The following MTOR variants were observed in gnomAD, a reference collection of about 807,000 sequenced individuals.
The protein encoded by MTOR is serine/threonine-protein kinase mTOR.
A neutral mutation model predicts 319.8 loss-of-function variants in MTOR; 70 were observed. The observed-to-expected ratio is 0.22, with a 90% CI of 0.18 to 0.27. The LOEUF (loss-of-function observed/expected upper bound fraction) is 0.27, where lower values mean the gene tolerates loss of function less well. Ranked by LOEUF, MTOR falls within the 10% of genes least tolerant of loss-of-function variation. The pLI, the probability that MTOR is intolerant of heterozygous loss-of-function variation, is 1.00. For missense variants in MTOR, 1,890 were observed against 3,274.4 expected, an observed-to-expected ratio of 0.58 and a Z score of 10.32; for synonymous variants, 1,183 against 1,211.4, an observed-to-expected ratio of 0.98 and a Z score of 0.49.
At chr1:11,150,092 A>G (rs2100536474) in intron 31 of MTOR, 34 bp downstream of exon 31, 2 of 1,580,882 alleles carry the variant, frequency 1.3e-6, no homozygotes, top group African/African-American at 1.3e-5. Flanking sequence ...CACTCACCCC[A>G]TCCTTCACAG....
intron 4 of MTOR, 79 bp from the exon 5 acceptor site, chr1:11,256,271 A>C (rs1210049278): frequency 6.5e-7 from 1 of 1,527,852 alleles, no homozygotes; most frequent in Non-Finnish European, 8.8e-7. Context: ...TTGTCATCTT[A>C]GAGCCATACA....
intron 47 of MTOR, among the ~76,000 whole-genome samples, chr1:11,123,778 T>C (rs1026283697): frequency 1.3e-5 from 2 of 151,584 alleles, no homozygotes; most frequent in African/African-American, 4.9e-5. Context: ...CTTAATTTTT[T>C]TTTCCTTACT....
rs76348058 is a variant in MTOR at position 11,134,060 on chromosome 1, TAA to T, written c.5246+289_5246+290del. Among the ~76,000 whole-genome samples, 8,912 of 143,194 alleles carry T rather than the reference TAA, an allele frequency of 0.062. 375 individuals are homozygous for T. Among genetic ancestry groups the T allele is most frequent in the South Asian group, 0.13 (593 of 4,556 alleles). The allele number at this position is 143,194 out of a possible 152,430, so 93.9% of individuals were successfully genotyped here. A position where few individuals can be genotyped will look rare whatever the true frequency, so the allele number is the denominator to read the frequency against. ...CCTGGGTGACACAGCAAGACCATCT[TAA>T]AAAAAAAAAAGGGAGGGGCAGCATA... is the stretch of plus-strand genomic sequence containing the variant. On this transcript the variant is annotated intron_variant, in intron 37 of 57. Coordinates refer to ENST00000361445, the MANE Select transcript of MTOR (RefSeq NM_004958.4).
chr1:11,125,637 C>T (rs1455248698), intron 46 of MTOR, among the ~76,000 whole-genome samples: 3 of 148,258 alleles, frequency 2.0e-5, no homozygotes, highest in East Asian at 2.0e-4. Context: ...GGCTGAGGCA[C>T]GAGAATCGCT....
At chr1:11,144,422 C>T in intron 34 of MTOR, 2 of 482,262 alleles carry the variant, frequency 4.1e-6, no homozygotes, top group Non-Finnish European at 7.5e-6. Context: ...TTTTTAATTC[C>T]TAGAGAAGAG....
chr1:11,122,205 T>A (rs1282308309), intron 47 of MTOR, 79 bp from the exon 48 acceptor site: 48 of 1,409,724 alleles, frequency 3.4e-5, no homozygotes, highest in Admixed American at 1.8e-4. Context: ...AGGCAGACTG[T>A]TTTTTTTTTC....
rs576865409 is a variant in MTOR at position 11,257,558 on chromosome 1, G to A, written c.272-393C>T. On this transcript the variant is annotated intron_variant, in intron 3 of 57. Coordinates refer to ENST00000361445, the MANE Select transcript of MTOR (RefSeq NM_004958.4). ...AGCCTGGGCGACAGAGTGAGACTCT[G>A]TCTCAGAGAAAAAAAAAAAAAAAAA... is the stretch of plus-strand genomic sequence containing the variant. 9.3e-4 allele frequency among the ~76,000 whole-genome samples: 80 copies of A among 85,658 alleles called. No individual in the cohort carries two copies. The East Asian group carries it at 0.016, about 17-fold the overall frequency. 56.2% of individuals were successfully genotyped at this position (85,658 alleles called of 152,430 possible).
At chr1:11,137,408 T>TAA (rs1177877439) in intron 36 of MTOR, among the ~76,000 whole-genome samples, 1 of 152,128 alleles carries the variant, frequency 6.6e-6, no homozygotes, top group Admixed American at 6.5e-5. Context: ...GGCTGGGTAT[T>TAA]AAGTTTGGAT....
intron 28 of MTOR, among the ~76,000 whole-genome samples, chr1:11,178,738 G>A (rs1173154718): frequency 6.6e-6 from 1 of 152,196 alleles, no homozygotes; most frequent in Admixed American, 6.5e-5. Context: ...GGGGTGGGCT[G>A]ATAGAGTGAC....
In MTOR at chr1:11,228,931, AAC is replaced by A; in HGVS notation, c.2780-15_2780-14del. On this transcript the variant is annotated splice_polypyrimidine_tract_variant and intron_variant, in intron 18 of 57. Coordinates refer to ENST00000361445, the MANE Select transcript of MTOR (RefSeq NM_004958.4). ...GTGCTATAGTCAGCTAGGACAAAAC[AAC>A]AGAGAGTGTTAGAGCTACACATGGC... The A allele has an allele frequency of 1.2e-6, 2 of 1,613,724 alleles. No homozygotes were observed. Among genetic ancestry groups the A allele is most frequent in the Non-Finnish European group, 1.7e-6 (2 of 1,179,682 alleles).
rs773839789 is a variant in MTOR, at chr1:11,256,940, T to C, written c.497A>G (p.His166Arg). 1.2e-6 allele frequency: 2 copies of C among 1,613,550 alleles called. No homozygotes were observed. The highest frequency in any genetic ancestry group is 2.7e-5 in the African/African-American group (2 of 75,034). The change falls in exon 4 of 58, where the codon CAT (histidine) becomes CGT (arginine). Residue 166 changes from histidine to arginine, a missense_variant. His to Arg is a conservative substitution (Grantham distance 29). This residue lies in a region of MTOR where 81 missense variants were observed against 203.6 expected (regional missense o/e 0.40). Coordinates refer to ENST00000361445, the MANE Select transcript of MTOR (RefSeq NM_004958.4). Reference protein sequence around the residue: ...LGADRNEGRRHAAVLVLRELA... With the variant: ...LGADRNEGRRRAAVLVLRELA... ...CTCCCTGTAGACACTCACAGCTGCATGTCTCCGGCCCTCATTGCGGTCAGC... is the reference window on the plus strand; with the variant it reads ...CTCCCTGTAGACACTCACAGCTGCACGTCTCCGGCCCTCATTGCGGTCAGC...
intron 54 of MTOR, among the ~76,000 whole-genome samples, chr1:11,111,363 C>T (rs1389307091): frequency 6.6e-6 from 1 of 151,892 alleles, no homozygotes; most frequent in East Asian, 1.9e-4. Context: ...CGTCTGTAAT[C>T]CCAGCTACTT....
In MTOR at chr1:11,121,428, G is replaced by A. The variant is rs545457832; in HGVS notation, c.6811-60C>T. On this transcript the variant is annotated intron_variant, in intron 48 of 57. Transcript: ENST00000361445. The surrounding 1 kb of genome is among the most constrained non-coding windows in gnomAD (Gnocchi z 4.9). ...GCCTAAGACATGTAGTTTGGGTCCAGGAAGAAACAAGGCTTGGGGTCCAGG... is the reference window on the plus strand; with the variant it reads ...GCCTAAGACATGTAGTTTGGGTCCAAGAAGAAACAAGGCTTGGGGTCCAGG... The A allele has an allele frequency of 1.9e-5, 31 of 1,602,252 alleles. No homozygotes were observed. In the South Asian group the frequency reaches 3.2e-4, roughly 17 times the overall value.
At chr1:11,209,496 A>C (rs1343095761) in intron 24 of MTOR, 38 bp from the exon 25 acceptor site, 10 of 1,608,712 alleles carry the variant, frequency 6.2e-6, no homozygotes, top group Non-Finnish European at 7.7e-6. Context: ...CTATAACTCT[A>C]CTAGATGCTT....
At chr1:11,240,598 C>T (rs776239308) in intron 10 of MTOR, 51 bp from the exon 11 acceptor site, 2 of 1,583,238 alleles carry the variant, frequency 1.3e-6, no homozygotes, top group Non-Finnish European at 1.7e-6. Flanking sequence ...GACACTCAGT[C>T]TGTTCTTGGG....
chr1:11,195,873 A>G (rs576198666), intron 28 of MTOR: 4 of 152,302 alleles, frequency 2.6e-5, no homozygotes, highest in Non-Finnish European at 4.4e-5. Context: ...TATAGTTAAT[A>G]ATAAATGCTG....
At chr1:11,207,668 CATTTTTA>C (rs551295552) in intron 25 of MTOR, among the ~76,000 whole-genome samples, 149 of 117,980 alleles carry the variant, frequency 1.3e-3, no homozygotes, top group Non-Finnish European at 2.3e-3. Flanking sequence ...TTTCATTTTT[CATTTTTA>C]TTATACAGAT....
chr1:11,262,182 C>T (rs1406236499), intron 1 of MTOR, among the ~76,000 whole-genome samples: 2 of 152,180 alleles, frequency 1.3e-5, no homozygotes, highest in African/African-American at 4.8e-5. Flanking sequence ...ACCCAAAGGG[C>T]AATACCAGAG....
intron 6 of MTOR, among the ~76,000 whole-genome samples, chr1:11,253,619 C>T (rs374484853): frequency 9.7e-4 from 147 of 152,246 alleles, no homozygotes; most frequent in Middle Eastern, 3.4e-3. Context: ...TCAGGGAGGG[C>T]CTTCCTTGAC....
Sources: allele counts gnomAD v4.1 joint callset (sites outside exome capture counted in the v4.1 genomes callset), GRCh38; gene constraint gnomAD v4.1.1; regional missense constraint gnomAD v4.1.1; non-coding constraint Gnocchi (gnomAD v3.1); transcripts MANE v1.5; gene names NCBI Gene and HGNC (gene_info 2026-07-23, HGNC 2026-07-21).